GUCA1C: variants seen among roughly 807,000 people sequenced by gnomAD.
The protein encoded by GUCA1C is guanylate cyclase activator 1C.
In GUCA1C, 15 loss-of-function variants were observed where a neutral mutation model predicts 16.2. The ratio of observed to expected loss-of-function variants is 0.93; its 90% CI spans 0.62 to 1.43. The LOEUF is 1.43. Ranked by LOEUF, GUCA1C falls within the 40% of genes most tolerant of loss-of-function variation. The pLI is 0.00. For missense variants in GUCA1C, 275 were observed against 244.8 expected (o/e 1.12, Z -0.82); for synonymous variants, 78 against 85.4 (o/e 0.91, Z 0.48).
At chr3:108,943,949 C>T (rs1342520883) in intron 1 of GUCA1C, among the ~76,000 whole-genome samples, 5 of 151,782 alleles carry the variant, frequency 3.3e-5, no homozygotes, top group African/African-American at 1.2e-4. Context: ...TCCACCTGTA[C>T]CCCAATAACT....
rs543023276 is a variant in GUCA1C at position 108,932,154 on chromosome 3, A to G, written c.205-11569T>C. ...CTTGAGCCACCGCACCCGGCCGGGA[A>G]CACTCTTAAGCTCACGTTTCCGTAG... On this transcript the variant is annotated intron_variant, in intron 1 of 3. Transcript: ENST00000261047. Among the ~76,000 whole-genome samples the G allele has an allele frequency of 4.0e-5, 6 of 151,760 alleles. No homozygotes were observed. In the South Asian group the frequency reaches 1.2e-3, roughly 32 times the overall value.
chr3:108,939,324 C>CTTTTTTTTGTTTTTTTTTTTTT (rs1946761436), intron 1 of GUCA1C, among the ~76,000 whole-genome samples: 1 of 32,912 alleles, frequency 3.0e-5, no homozygotes, highest in Non-Finnish European at 6.0e-5. Context: ...TGCTTCAAGG[C>CTTTTTTTTGTTTTTTTTTTTTT]TTTTTTTTTT....
rs1946919687 is a variant in GUCA1C at position 108,953,554 on chromosome 3, C to A, written c.204+5G>T. ...TCAAATGAAATGAAAAATGAAAGAT[C>A]TTACCTTGTTCGTGTCAAAGGTATT... On this transcript the variant is annotated splice_donor_5th_base_variant and intron_variant, in intron 1 of 3. Transcript: ENST00000261047. 1.9e-6 allele frequency: 3 copies of A among 1,551,220 alleles called. No individual in the cohort carries two copies. Among genetic ancestry groups the A allele is most frequent in the Non-Finnish European group, 2.7e-6 (3 of 1,123,546 alleles).
At chr3:108,942,639 G>T (rs137978494) in intron 1 of GUCA1C, among the ~76,000 whole-genome samples, 122 of 152,308 alleles carry the variant, frequency 8.0e-4, no homozygotes, top group African/African-American at 2.8e-3. Context: ...ATATTACCAG[G>T]TTTAAAAGCA....
At chr3:108,911,785 C>T (rs1051486200) in intron 3 of GUCA1C, among the ~76,000 whole-genome samples, 6 of 152,026 alleles carry the variant, frequency 3.9e-5, no homozygotes, top group Non-Finnish European at 7.4e-5. Flanking sequence ...TGACTTTGTT[C>T]TTTTTACCCA....
chr3:108,934,411 T>C (rs1946700237), intron 1 of GUCA1C, among the ~76,000 whole-genome samples: 1 of 152,164 alleles, frequency 6.6e-6, no homozygotes, highest in African/African-American at 2.4e-5. Flanking sequence ...TTATATACTG[T>C]TGGTGGGGAT....
intron 1 of GUCA1C, among the ~76,000 whole-genome samples, chr3:108,921,023 A>C (rs977885240): frequency 1.3e-4 from 20 of 152,214 alleles, no homozygotes; most frequent in African/African-American, 3.9e-4. Context: ...ATATAATGCC[A>C]TGTACACACC....
intron 1 of GUCA1C, among the ~76,000 whole-genome samples, chr3:108,946,020 G>T (rs1163339626): frequency 1.3e-5 from 2 of 152,192 alleles, no homozygotes; most frequent in Non-Finnish European, 2.9e-5. Flanking sequence ...TGTCACCAGA[G>T]TTACCTGCCC....
At chr3:108,916,289 G>A in intron 2 of GUCA1C, 75 bp from the exon 3 acceptor site, 1 of 1,438,002 alleles carries the variant, frequency 7.0e-7, no homozygotes, top group South Asian at 1.3e-5. Context: ...CTGCTCCGAT[G>A]TGACAGAATT....
At chr3:108,908,299 T>A in intron 3 of GUCA1C, 90 bp from the exon 4 acceptor site, 2 of 633,158 alleles carry the variant, frequency 3.2e-6, no homozygotes, top group Non-Finnish European at 5.1e-6. Flanking sequence ...ATTGATATTC[T>A]TTTGATATCC....
intron 2 of GUCA1C, among the ~76,000 whole-genome samples, chr3:108,918,599 T>C (rs1342022628): frequency 2.6e-5 from 4 of 152,184 alleles, no homozygotes; most frequent in Non-Finnish European, 5.9e-5. Flanking sequence ...CAAAAATCCT[T>C]AAAAACCTTT....
At chr3:108,910,220 C>T (rs1394099663) in intron 3 of GUCA1C, among the ~76,000 whole-genome samples, 9 of 152,150 alleles carry the variant, frequency 5.9e-5, no homozygotes, top group Non-Finnish European at 1.0e-4. Flanking sequence ...CCAGCAAGGC[C>T]GTGAGCGGTG....
At chr3:108,915,018 A>C (rs1202633628) in intron 3 of GUCA1C, among the ~76,000 whole-genome samples, 1 of 152,230 alleles carries the variant, frequency 6.6e-6, no homozygotes, top group Non-Finnish European at 1.5e-5. Flanking sequence ...TTAAGAGAAG[A>C]AGATTGATGC....
In GUCA1C at chr3:108,953,524, C is replaced by T. The variant is rs1347285597; in HGVS notation, c.204+35G>A. The T allele has an allele frequency of 2.9e-6, 4 of 1,366,544 alleles. No homozygotes were observed. The African/African-American group carries it at 5.8e-5, about 20-fold the overall frequency. 84.7% of individuals were successfully genotyped at this position (1,366,544 alleles called of 1,614,324 possible). ...AAAAGGGAAGAGTGCAGAACCACAGCATTTTCAAATGAAATGAAAAATGAA... is the reference window on the plus strand; with the variant it reads ...AAAAGGGAAGAGTGCAGAACCACAGTATTTTCAAATGAAATGAAAAATGAA... On this transcript the variant is annotated intron_variant, in intron 1 of 3. Coordinates refer to ENST00000261047, the MANE Select transcript of GUCA1C (RefSeq NM_005459.4).
intron 1 of GUCA1C, among the ~76,000 whole-genome samples, chr3:108,932,941 A>AG (rs71629370): frequency 0.022 from 3,347 of 149,262 alleles, 59 homozygotes; most frequent in Middle Eastern, 0.097. Context: ...AAAAAAAAAA[A>AG]AAGAAGAAGT....
chr3:108,945,632 G>C (rs757504600), intron 1 of GUCA1C, among the ~76,000 whole-genome samples: 2 of 152,146 alleles, frequency 1.3e-5, no homozygotes, highest in Non-Finnish European at 2.9e-5. Flanking sequence ...AAGATTTGCT[G>C]TCTTCTGTGC....
intron 1 of GUCA1C, among the ~76,000 whole-genome samples, chr3:108,939,323 G>GATTTTTTTTTTTTTTT (rs1491279760): frequency 3.0e-5 from 1 of 33,226 alleles, no homozygotes; most frequent in Non-Finnish European, 7.9e-5. Context: ...TTGCTTCAAG[G>GATTTTTTTTTTTTTTT]CTTTTTTTTT....
chr3:108,950,947 A>T (rs893320265), intron 1 of GUCA1C, among the ~76,000 whole-genome samples: 10 of 152,242 alleles, frequency 6.6e-5, no homozygotes, highest in Admixed American at 2.6e-4. Flanking sequence ...ACTGCTGTTC[A>T]TAATAATGAC....
chr3:108,909,060 G>T (rs1187566016), intron 3 of GUCA1C, among the ~76,000 whole-genome samples: 2 of 152,196 alleles, frequency 1.3e-5, no homozygotes, highest in African/African-American at 4.8e-5. Context: ...AAGGAAGGAA[G>T]TCAACAGGGA....
Sources: allele counts gnomAD v4.1 joint callset (sites outside exome capture counted in the v4.1 genomes callset), GRCh38; gene constraint gnomAD v4.1.1; transcripts MANE v1.5; gene names NCBI Gene and HGNC (gene_info 2026-07-23, HGNC 2026-07-21).